The following GABPB1 variants were observed in gnomAD, a reference collection of about 807,000 sequenced individuals.
GABPB1 encodes the protein GA-binding protein subunit beta-1.
A neutral mutation model predicts 45.9 loss-of-function variants in GABPB1; 15 were observed. That is an observed-to-expected ratio of 0.33 (90% CI 0.22 to 0.50). GABPB1 has a LOEUF of 0.50. Among genes scored for constraint, GABPB1 ranks in the 20% least tolerant of loss-of-function variants. GABPB1 has a pLI of 0.98. For synonymous variants in GABPB1, 143 were observed against 154.4 expected (o/e 0.93, Z 0.55); for missense variants, 252 against 457.5 (o/e 0.55, Z 4.10).
At chr15:50,347,038 T>A (rs917914216) in intron 1 of GABPB1, among the ~76,000 whole-genome samples, 8 of 152,134 alleles carry the variant, frequency 5.3e-5, no homozygotes, top group Non-Finnish European at 1.0e-4. Flanking sequence ...TCCACCCACC[T>A]CAGCCTCCCA....
At chr15:50,351,872 A>C (rs2048845051) in intron 1 of GABPB1, 1 of 152,216 alleles carries the variant, frequency 6.6e-6, no homozygotes, top group African/African-American at 2.4e-5. Flanking sequence ...GAAAACTATA[A>C]TACTAATTGT....
intron 6 of GABPB1, among the ~76,000 whole-genome samples, chr15:50,294,942 A>G (rs114287913): frequency 6.6e-6 from 1 of 152,208 alleles, no homozygotes; most frequent in Admixed American, 6.5e-5. Flanking sequence ...TGTGTATTTA[A>G]TCAAGGTATT....
chr15:50,344,455 C>G (rs2048490737), intron 1 of GABPB1, among the ~76,000 whole-genome samples: 1 of 152,150 alleles, frequency 6.6e-6, no homozygotes, highest in South Asian at 2.1e-4. Context: ...GAAAATCATT[C>G]TGGCAGCCAT....
rs141086361 is a variant in GABPB1 at position 50,303,459 on chromosome 15, G to A, written c.277-336C>T. ...AGCACTTTGGGAGCCCAAGGCAGGC[G>A]GATCACAAGGTCAGGAGTTCGAGAC... On this transcript the variant is annotated intron_variant, in intron 3 of 8. Coordinates refer to ENST00000380877, the MANE Select transcript of GABPB1 (RefSeq NM_016654.5). Among the ~76,000 whole-genome samples the A allele has an allele frequency of 2.6e-3, 398 of 152,194 alleles. 5 individuals are homozygous for A. The East Asian group carries it at 0.051, about 20-fold the overall frequency.
intron 1 of GABPB1, among the ~76,000 whole-genome samples, chr15:50,321,982 CAA>C (rs34649125): frequency 3.1e-3 from 419 of 136,284 alleles, no homozygotes; most frequent in Middle Eastern, 7.8e-3. Context: ...CAGATGTGAC[CAA>C]AAAAAAAAAA....
rs548888660 is a variant in GABPB1, at chr15:50,277,634, C to T, written c.*998G>A. The T allele has an allele frequency of 5.9e-5, 9 of 152,558 alleles. 1 individual carries two copies. Among genetic ancestry groups the T allele is most frequent in the South Asian group, 4.1e-4 (2 of 4,822 alleles). 9.5% of individuals were successfully genotyped at this position (152,558 alleles called of 1,614,324 possible). On this transcript the variant is annotated 3_prime_UTR_variant, in exon 9 of 9. Transcript: ENST00000380877. ...TCTACATACAAAAGCAATTTTTTTC[C>T]GTAAGAATCATTTCCTGGGGAGAAA...
chr15:50,354,344 GCGGGGGCCC>G (rs753960782), intron 1 of GABPB1: 3 of 447,924 alleles, frequency 6.7e-6, no homozygotes, highest in South Asian at 4.7e-5. Flanking sequence ...GGCTGTCGCT[GCGGGGGCCC>G]CGCGCGGGAC....
At chr15:50,279,047 T>C (rs904754970) in intron 8 of GABPB1, among the ~76,000 whole-genome samples, 8 of 152,126 alleles carry the variant, frequency 5.3e-5, no homozygotes, top group African/African-American at 1.9e-4. Context: ...ACAGAAAGAC[T>C]CCAAACTGGG....
intron 1 of GABPB1, among the ~76,000 whole-genome samples, chr15:50,313,066 A>G (rs966200452): frequency 6.6e-6 from 1 of 152,210 alleles, no homozygotes; most frequent in Non-Finnish European, 1.5e-5. Flanking sequence ...ATATTAAAAT[A>G]ATCAAAATAA....
At chr15:50,315,009 C>G (rs2047267006) in intron 1 of GABPB1, among the ~76,000 whole-genome samples, 1 of 152,176 alleles carries the variant, frequency 6.6e-6, no homozygotes, top group Non-Finnish European at 1.5e-5. Context: ...ATGTAGTGTG[C>G]TCAAGTATTT....
intron 1 of GABPB1, among the ~76,000 whole-genome samples, chr15:50,324,771 T>TCCTGACCTCAGGCAATTCGCCCG (rs2047691616): frequency 6.6e-6 from 1 of 152,062 alleles, no homozygotes; most frequent in African/African-American, 2.4e-5. Flanking sequence ...GGTCTCAAAC[T>TCCTGACCTCAGGCAATTCGCCCG]CCTGACCTCA....
At chr15:50,341,358 C>A (rs2048371041) in intron 1 of GABPB1, among the ~76,000 whole-genome samples, 1 of 152,008 alleles carries the variant, frequency 6.6e-6, no homozygotes. Flanking sequence ...CATGGAGAAA[C>A]CCCGTCTCTA....
intron 6 of GABPB1, among the ~76,000 whole-genome samples, chr15:50,299,550 C>A (rs563288494): frequency 6.6e-6 from 1 of 152,094 alleles, no homozygotes; most frequent in East Asian, 1.9e-4. Context: ...CAGGCATGGG[C>A]CACTACGCCT....
intron 4 of GABPB1, among the ~76,000 whole-genome samples, chr15:50,302,253 T>C (rs2046776450): frequency 6.6e-6 from 1 of 152,236 alleles, no homozygotes; most frequent in African/African-American, 2.4e-5. Context: ...AATGATATTA[T>C]GGTTGCTAAT....
intron 2 of GABPB1, among the ~76,000 whole-genome samples, chr15:50,304,638 G>A (rs1234593389): frequency 6.6e-6 from 1 of 151,546 alleles, no homozygotes; most frequent in Non-Finnish European, 1.5e-5. Flanking sequence ...TTGAACCCAG[G>A]AGGCAGAGGT....
intron 6 of GABPB1, among the ~76,000 whole-genome samples, chr15:50,290,019 T>C (rs2046297370): frequency 6.6e-6 from 1 of 152,092 alleles, no homozygotes. Flanking sequence ...GCCTCCTGCC[T>C]TGACCTCCCA....
At chr15:50,289,773 T>TCTTTTC in intron 6 of GABPB1, 105 bp from the exon 7 acceptor site, 1 of 786,292 alleles carries the variant, frequency 1.3e-6, no homozygotes, top group Non-Finnish European at 1.9e-6. Flanking sequence ...CTTTCTTTTC[T>TCTTTTC]TTTTTCTTTT....
At chr15:50,325,150 T>TAA in intron 1 of GABPB1, among the ~76,000 whole-genome samples, 1 of 152,112 alleles carries the variant, frequency 6.6e-6, no homozygotes, top group South Asian at 2.1e-4. Flanking sequence ...GAAATGTGCT[T>TAA]TGAGAGTGTC....
chr15:50,298,076 G>GTGTTTT (rs1293065822), intron 6 of GABPB1, among the ~76,000 whole-genome samples: 1 of 152,088 alleles, frequency 6.6e-6, no homozygotes, highest in Non-Finnish European at 1.5e-5. Context: ...TCAGATATAT[G>GTGTTTT]TGTTTTTGTT....
Sources: gnomAD v4.1 joint callset for allele counts (sites outside exome capture counted in the v4.1 genomes callset) on GRCh38, gnomAD v4.1.1 for gene constraint, MANE v1.5 for transcripts, NCBI Gene and HGNC (gene_info 2026-07-23, HGNC 2026-07-21) for gene names.